Variants in SNTA1 observed in about 807,000 individuals in gnomAD.
SNTA1 encodes the protein syntrophin alpha 1.
SNTA1 carries 31 observed loss-of-function variants against 47.1 expected under a neutral mutation model. The observed-to-expected ratio is 0.66, with a 90% CI of 0.49 to 0.89. The LOEUF is 0.89. Among genes scored for constraint, SNTA1 ranks in the 40% least tolerant of loss-of-function variants. SNTA1 has a pLI of 0.00. For missense variants in SNTA1, 575 were observed against 693.0 expected (o/e 0.83, Z 1.91); for synonymous variants, 300 against 313.6 (o/e 0.96, Z 0.46).
chr20:33,409,553 C>T (rs1440605334), intron 6 of SNTA1, among the ~76,000 whole-genome samples: 5 of 152,070 alleles, frequency 3.3e-5, no homozygotes, highest in African/African-American at 9.7e-5. Context: ...CTCCATCTCC[C>T]GGGTTCAAGT....
chr20:33,417,608 G>A lies in SNTA1; in HGVS notation c.701+111C>T. On this transcript the variant is annotated intron_variant, in intron 3 of 7. Coordinates refer to ENST00000217381, the MANE Select transcript of SNTA1 (RefSeq NM_003098.3). ...AATCTATTTTTTAAGCACCTACTAT[G>A]TCCTGGCATTGTGCTGGTCATTCGT... is the stretch of plus-strand genomic sequence containing the variant. The A allele has an allele frequency of 8.9e-6, 7 of 788,638 alleles. No individual in the cohort carries two copies. In the South Asian group the frequency reaches 1.0e-4, roughly 11 times the overall value. The allele number at this position is 788,638 out of a possible 1,614,324, so 48.9% of individuals were successfully genotyped here.
intron 3 of SNTA1, among the ~76,000 whole-genome samples, chr20:33,414,245 C>CAAAAAAAAAAAAAAAAAACAAAA (rs1989817061): frequency 3.4e-5 from 1 of 29,254 alleles, no homozygotes; most frequent in African/African-American, 1.2e-4. Context: ...TCTCAAAAAC[C>CAAAAAAAAAAAAAAAAAACAAAA]AAAAAAAAAA....
chr20:33,418,452 G>T (rs1044460135), intron 2 of SNTA1, among the ~76,000 whole-genome samples: 10 of 151,964 alleles, frequency 6.6e-5, no homozygotes, highest in African/African-American at 2.4e-4. Context: ...GTCACGCCAT[G>T]TTGCTGGTCT....
At chr20:33,412,272 C>A (rs1159914000) in intron 5 of SNTA1, 24 bp downstream of exon 5, 2 of 1,604,234 alleles carry the variant, frequency 1.2e-6, no homozygotes, top group Non-Finnish European at 1.7e-6. Context: ...CTGGGGGAGA[C>A]ATACTGCCCC....
chr20:33,427,535 GC>G (rs1297206209), intron 2 of SNTA1, among the ~76,000 whole-genome samples: 3 of 152,144 alleles, frequency 2.0e-5, no homozygotes, highest in Non-Finnish European at 2.9e-5. Flanking sequence ...GACCAGCAGA[GC>G]CCAGGGGTTG....
intron 1 of SNTA1, 117 bp from the exon 2 acceptor site, chr20:33,439,143 G>T: frequency 1.1e-6 from 1 of 904,548 alleles, no homozygotes; most frequent in Non-Finnish European, 1.8e-6. Flanking sequence ...TGCTGGAAAA[G>T]GCAATGGGAG....
rs1161474406 is a variant in SNTA1, at chr20:33,416,938, C to CAA, written c.701+779_701+780dup. 2.3e-3 allele frequency among the ~76,000 whole-genome samples: 130 copies of CAA among 56,018 alleles called. 2 individuals carry two copies. The highest frequency in any genetic ancestry group is 6.0e-3 in the African/African-American group (97 of 16,062). 36.7% of individuals were successfully genotyped at this position (56,018 alleles called of 152,430 possible). ...CCTGGGCAACAGAGTGAGACTCTGTCAAAAAAAAAAAAAAAAAAAAAAAAG... is the reference window on the plus strand; with the variant it reads ...CCTGGGCAACAGAGTGAGACTCTGTCAAAAAAAAAAAAAAAAAAAAAAAAAAG... On this transcript the variant is annotated intron_variant, in intron 3 of 7. Coordinates refer to ENST00000217381, the MANE Select transcript of SNTA1 (RefSeq NM_003098.3).
At chr20:33,440,786 C>A (rs1378379341) in intron 1 of SNTA1, among the ~76,000 whole-genome samples, 2 of 152,244 alleles carry the variant, frequency 1.3e-5, no homozygotes, top group African/African-American at 4.8e-5. Flanking sequence ...CCACTGCACT[C>A]CACCCTGGGC....
At chr20:33,429,048 A>C (rs769892097) in intron 2 of SNTA1, among the ~76,000 whole-genome samples, 12 of 151,198 alleles carry the variant, frequency 7.9e-5, no homozygotes, top group Admixed American at 1.3e-4. Flanking sequence ...CTCAAAAAAA[A>C]CAAAAATTTT....
At chr20:33,427,938 G>C (rs1028519842) in intron 2 of SNTA1, among the ~76,000 whole-genome samples, 3 of 151,798 alleles carry the variant, frequency 2.0e-5, no homozygotes, top group Admixed American at 2.0e-4. Context: ...TTGTAGACAT[G>C]GGGTCTTGCT....
In SNTA1 at chr20:33,408,286, G is replaced by T; in HGVS notation, c.*221C>A. 3 of 594,412 alleles carry T rather than the reference G, an allele frequency of 5.0e-6. No individual in the cohort carries two copies. The highest frequency in any genetic ancestry group is 9.1e-6 in the Non-Finnish European group (3 of 329,268). 36.8% of individuals were successfully genotyped at this position (594,412 alleles called of 1,614,324 possible). A position where few individuals can be genotyped will look rare whatever the true frequency, so the allele number is the denominator to read the frequency against. Reference sequence around the variant, plus strand: ...CTGCAAAAGGCACTGGTGGAGGGGGGCAGCAGGAAGGCCACCCCATCACAG... The same window carrying T: ...CTGCAAAAGGCACTGGTGGAGGGGGTCAGCAGGAAGGCCACCCCATCACAG... On this transcript the variant is annotated 3_prime_UTR_variant, in exon 8 of 8. Transcript: ENST00000217381.
rs773906766 is a variant in SNTA1, at chr20:33,439,029, G to A, written c.311-3C>T. The A allele has an allele frequency of 6.2e-7, 1 of 1,613,764 alleles. No individual in the cohort carries two copies. Among genetic ancestry groups the A allele is most frequent in the South Asian group, 1.1e-5 (1 of 91,080 alleles). ...AGGCATCTTGTTCTCCCGGCCGCCTGCACAGGTACAGAAGGAGGACAAGAC... is the reference window on the plus strand; with the variant it reads ...AGGCATCTTGTTCTCCCGGCCGCCTACACAGGTACAGAAGGAGGACAAGAC... On this transcript the variant is annotated splice_region_variant and splice_polypyrimidine_tract_variant and intron_variant, in intron 1 of 7. Coordinates refer to ENST00000217381, the MANE Select transcript of SNTA1 (RefSeq NM_003098.3).
chr20:33,425,381 C>T (rs1351229876), intron 2 of SNTA1, among the ~76,000 whole-genome samples: 1 of 152,158 alleles, frequency 6.6e-6, no homozygotes. Context: ...GGTCTGGGGC[C>T]GGGCATGGTG....
Position 33,408,386 on chromosome 20 carries a change from G to A in SNTA1, c.*121C>T, listed in dbSNP as rs1229417947. 3.2e-5 allele frequency: 24 copies of A among 759,952 alleles called. No homozygotes were observed. The highest frequency in any genetic ancestry group is 1.5e-4 in the South Asian group (10 of 68,056). The allele number at this position is 759,952 out of a possible 1,614,324, so 47.1% of individuals were successfully genotyped here. Reference sequence around the variant, plus strand: ...CAGTCTCCCTCAGGGTTGGGGTTTCGGAGGCCCTTGTTCCTCTCCTCTCCC... The same window carrying A: ...CAGTCTCCCTCAGGGTTGGGGTTTCAGAGGCCCTTGTTCCTCTCCTCTCCC... On this transcript the variant is annotated 3_prime_UTR_variant, in exon 8 of 8. Transcript: ENST00000217381.
In SNTA1 at chr20:33,421,375, G is replaced by C. The variant is rs143968686; in HGVS notation, c.497-3452C>G. Among the ~76,000 whole-genome samples the C allele has an allele frequency of 5.9e-3, 891 of 149,872 alleles. 7 individuals are homozygous for C. The highest frequency in any genetic ancestry group is 0.02 in the African/African-American group (819 of 40,826). ...GCCTGTAATCCCAGCACTTTGGGAG[G>C]CTGAGGCGGGAGGATCACCTGAGGC... On this transcript the variant is annotated intron_variant, in intron 2 of 7. Coordinates refer to ENST00000217381, the MANE Select transcript of SNTA1 (RefSeq NM_003098.3).
chr20:33,440,644 T>C (rs1468495797), intron 1 of SNTA1, among the ~76,000 whole-genome samples: 2 of 144,736 alleles, frequency 1.4e-5, no homozygotes, highest in East Asian at 4.0e-4. Context: ...AGACTCCATC[T>C]CAAAATAAAA....
chr20:33,426,543 C>T (rs1014794254), intron 2 of SNTA1, among the ~76,000 whole-genome samples: 2 of 151,560 alleles, frequency 1.3e-5, no homozygotes, highest in Non-Finnish European at 2.9e-5. Context: ...GGGCGGATCA[C>T]TTGAGGTCAG....
At chr20:33,410,946 G>A (rs1442911134) in intron 5 of SNTA1, among the ~76,000 whole-genome samples, 1 of 152,078 alleles carries the variant, frequency 6.6e-6, no homozygotes, top group Non-Finnish European at 1.5e-5. Context: ...GACAGTCCAG[G>A]ACCTAGTTAT....
chr20:33,409,932 AT>A (rs1989696828), intron 6 of SNTA1, among the ~76,000 whole-genome samples: 1 of 152,076 alleles, frequency 6.6e-6, no homozygotes, highest in Non-Finnish European at 1.5e-5. Context: ...CACCTGGCCA[AT>A]TTTTGTATTA....
Sources: allele counts gnomAD v4.1 joint callset (sites outside exome capture counted in the v4.1 genomes callset), GRCh38; gene constraint gnomAD v4.1.1; transcripts MANE v1.5; gene names NCBI Gene and HGNC (gene_info 2026-07-23, HGNC 2026-07-21).